The following THRB variants were observed in gnomAD, a reference collection of about 807,000 sequenced individuals.
THRB encodes the protein thyroid hormone receptor beta, also known as nuclear receptor subfamily 1 group A member 2.
THRB carries 12 observed loss-of-function variants against 47.8 expected under a neutral mutation model. The ratio of observed to expected loss-of-function variants is 0.25; its 90% CI spans 0.16 to 0.41. The LOEUF (loss-of-function observed/expected upper bound fraction) is 0.41, where lower values mean the gene tolerates loss of function less well. Ranked by LOEUF, THRB falls within the 10% of genes least tolerant of loss-of-function variation. The pLI is 1.00. For missense variants in THRB, 348 were observed against 589.2 expected (o/e 0.59, Z 4.24); for synonymous variants, 218 against 212.2 (o/e 1.03, Z -0.24).
In THRB at chr3:24,286,882, G is replaced by T. The variant is rs2055362079; in HGVS notation, c.-43+10344C>A. On this transcript the variant is annotated intron_variant, in intron 3 of 10. Coordinates refer to ENST00000646209, the MANE Select transcript of THRB (RefSeq NM_001354712.2). ...TCACCGTTAGCCTGGGCGGCATGGG[G>T]TTCCAAGAGGAACACGAGAGTGGGG... Among the ~76,000 whole-genome samples, 2 of 152,302 alleles carry T rather than the reference G, an allele frequency of 1.3e-5. 1 individual carries two copies. The highest frequency in any genetic ancestry group is 3.9e-4 in the East Asian group (2 of 5,192).
At chr3:24,337,628 A>T (rs1432751718) in intron 1 of THRB, among the ~76,000 whole-genome samples, 2 of 152,168 alleles carry the variant, frequency 1.3e-5, no homozygotes, top group African/African-American at 2.4e-5. Flanking sequence ...AATCTCAGAG[A>T]TGTACATTTC....
intron 1 of THRB, among the ~76,000 whole-genome samples, chr3:24,361,365 A>G (rs2064051481): frequency 6.6e-6 from 1 of 152,178 alleles, no homozygotes; most frequent in Non-Finnish European, 1.5e-5. Flanking sequence ...CTGTCGATAT[A>G]CATAATACAC....
At chr3:24,139,731 G>A (rs1021928693) in intron 8 of THRB, among the ~76,000 whole-genome samples, 6 of 152,134 alleles carry the variant, frequency 3.9e-5, no homozygotes, top group Non-Finnish European at 8.8e-5. Flanking sequence ...GTGAAAATGG[G>A]TCCTGGTCTT....
chr3:24,208,709 TAA>T (rs2045677159), intron 4 of THRB, among the ~76,000 whole-genome samples: 1 of 152,212 alleles, frequency 6.6e-6, no homozygotes, highest in Non-Finnish European at 1.5e-5. Context: ...CAAGATGGAT[TAA>T]AGACGTAAAT....
intron 2 of THRB, among the ~76,000 whole-genome samples, chr3:24,319,530 G>T (rs115541495): frequency 1.3e-5 from 2 of 152,158 alleles, no homozygotes; most frequent in Non-Finnish European, 2.9e-5. Context: ...ATTTATCAAC[G>T]GTGATGAAAT....
At chr3:24,390,797 A>AAATATAT (rs5847290) in intron 1 of THRB, among the ~76,000 whole-genome samples, 1,904 of 137,790 alleles carry the variant, frequency 0.014, 42 homozygotes, top group African/African-American at 0.047. Flanking sequence ...AAAAAAAAAA[A>AAATATAT]ATATATATAT....
intron 3 of THRB, among the ~76,000 whole-genome samples, chr3:24,287,495 TG>T (rs751245762): frequency 9.1e-4 from 139 of 152,336 alleles, no homozygotes; most frequent in Middle Eastern, 3.4e-3. Context: ...ATAACTTGTA[TG>T]AGGCCACTGT....
At chr3:24,244,497 G>T (rs1188188618) in intron 3 of THRB, among the ~76,000 whole-genome samples, 2 of 152,154 alleles carry the variant, frequency 1.3e-5, no homozygotes, top group African/African-American at 4.8e-5. Flanking sequence ...CCTACCTCAA[G>T]AGCAATTTAT....
chr3:24,286,074 G>T (rs1211900618), intron 3 of THRB, among the ~76,000 whole-genome samples: 1 of 152,162 alleles, frequency 6.6e-6, no homozygotes, highest in Non-Finnish European at 1.5e-5. Flanking sequence ...CCATGTGAAG[G>T]CATAAAGAGA....
At chr3:24,344,507 T>C (rs2062880077) in intron 1 of THRB, among the ~76,000 whole-genome samples, 1 of 152,096 alleles carries the variant, frequency 6.6e-6, no homozygotes, top group Non-Finnish European at 1.5e-5. Flanking sequence ...TTCTGACGTA[T>C]GACCTGTTCA....
intron 1 of THRB, among the ~76,000 whole-genome samples, chr3:24,351,534 C>G (rs2063353421): frequency 6.6e-6 from 1 of 152,118 alleles, no homozygotes; most frequent in Admixed American, 6.6e-5. Flanking sequence ...TTGGCCTAAA[C>G]TCCAATTTGT....
At chr3:24,310,363 C>T (rs1270716504) in intron 2 of THRB, among the ~76,000 whole-genome samples, 1 of 152,144 alleles carries the variant, frequency 6.6e-6, no homozygotes, top group Non-Finnish European at 1.5e-5. Context: ...GAAAGGAAAA[C>T]AGAAGAGAGA....
intron 1 of THRB, among the ~76,000 whole-genome samples, chr3:24,468,029 C>G (rs1378448676): frequency 6.6e-6 from 1 of 152,146 alleles, no homozygotes; most frequent in Non-Finnish European, 1.5e-5. Flanking sequence ...TTAGCTACAT[C>G]TTCTGGATAA....
chr3:24,251,908 TAAATA>T lies in THRB; in HGVS notation c.-42-22912_-42-22908del, dbSNP rs534267162. 2.6e-4 allele frequency among the ~76,000 whole-genome samples: 39 copies of T among 152,162 alleles called. No individual in the cohort carries two copies. In the East Asian group the frequency reaches 5.6e-3, roughly 22 times the overall value. ...TTATTTTAATTGAGACAAAAAATCT[TAAATA>T]AAATATCAGCAAATGACTCTTGGAA... On this transcript the variant is annotated intron_variant, in intron 3 of 10. Coordinates refer to ENST00000646209, the MANE Select transcript of THRB (RefSeq NM_001354712.2).
chr3:24,258,185 G>A (rs1334207320), intron 3 of THRB, among the ~76,000 whole-genome samples: 8 of 152,166 alleles, frequency 5.3e-5, no homozygotes, highest in Admixed American at 5.2e-4. Flanking sequence ...GACTCATTTG[G>A]GGGAAGATGG....
chr3:24,254,459 A>G (rs1422752374), intron 3 of THRB, among the ~76,000 whole-genome samples: 4 of 152,048 alleles, frequency 2.6e-5, no homozygotes. Flanking sequence ...TAATACATAT[A>G]CTATTGGCCT....
At chr3:24,349,798 A>C (rs2063252600) in intron 1 of THRB, among the ~76,000 whole-genome samples, 1 of 152,112 alleles carries the variant, frequency 6.6e-6, no homozygotes. Flanking sequence ...AGTTTTCTTA[A>C]ACAGGACACA....
intron 1 of THRB, among the ~76,000 whole-genome samples, chr3:24,340,372 C>T (rs2062551121): frequency 6.6e-6 from 1 of 151,746 alleles, no homozygotes. Flanking sequence ...TGCTCCTCCT[C>T]CTCTTCCTCC....
At chr3:24,127,379 T>C (rs2033054261) in intron 10 of THRB, 120 bp downstream of exon 10, 1 of 1,087,016 alleles carries the variant, frequency 9.2e-7, no homozygotes, top group East Asian at 2.6e-5. Context: ...AATTTCTTAC[T>C]GAAGAAGAGT....
Sources: allele counts gnomAD v4.1 joint callset (sites outside exome capture counted in the v4.1 genomes callset), GRCh38; gene constraint gnomAD v4.1.1; transcripts MANE v1.5; gene names NCBI Gene and HGNC (gene_info 2026-07-23, HGNC 2026-07-21).